Variants in DAPK2 observed in about 807,000 individuals in gnomAD.
DAPK2 encodes death associated protein kinase 2, also known as death-associated protein kinase 2.
Under a neutral mutation model 44.1 loss-of-function variants are expected in DAPK2, and 35 were observed. The observed-to-expected ratio is 0.79, with a 90% confidence interval of 0.61 to 1.05. DAPK2 has a LOEUF of 1.05. Ranked by LOEUF, DAPK2 falls within the 50% of genes least tolerant of loss-of-function variation. The probability of loss-of-function intolerance (pLI) is 0.00; values close to 1 mark genes in which losing one functional copy is unlikely to be tolerated. For synonymous variants in DAPK2, 174 were observed against 182.6 expected, an observed-to-expected ratio of 0.95 and a Z score of 0.38; for missense variants, 453 against 483.2, an observed-to-expected ratio of 0.94 and a Z score of 0.59.
chr15:64,019,090 A>G (rs1470427879), intron 1 of DAPK2, among the ~76,000 whole-genome samples: 1 of 152,060 alleles, frequency 6.6e-6, no homozygotes, highest in Non-Finnish European at 1.5e-5. Flanking sequence ...TCTCACCCCC[A>G]TCCCCACCCC....
In DAPK2 at chr15:63,916,479, C is replaced by T. The variant is rs73450775; in HGVS notation, c.859-4282G>A. ...CTGCCCAGGACCCCTCCCCGCTGCC[C>T]TTCCCTCAATGGAGTTTTATAGGTG... On this transcript the variant is annotated intron_variant, in intron 8 of 10. Coordinates refer to ENST00000261891, the Ensembl canonical transcript of DAPK2. This position sits in a 1 kb window ranked among gnomAD's most constrained non-coding sequence, Gnocchi z 4.7. The T allele has an allele frequency of 0.054, 8,169 of 152,546 alleles. 477 individuals carry two copies. The highest frequency in any genetic ancestry group is 0.15 in the African/African-American group (6,219 of 41,544). 9.4% of individuals were successfully genotyped at this position (152,546 alleles called of 1,614,324 possible).
In DAPK2 at chr15:63,922,715, C is replaced by T; in HGVS notation, c.858+2101G>A. ...CTTCTGCAAACCTCTTGGGATGCAT[C>T]ACTGACTGGATTCTGGCGATTAGAG... On this transcript the variant is annotated intron_variant, in intron 8 of 10. Transcript: ENST00000261891. The T allele has an allele frequency of 2.0e-6, 3 of 1,501,182 alleles. No homozygotes were observed. The Middle Eastern group carries it at 5.5e-4, about 273-fold the overall frequency. 93.0% of individuals were successfully genotyped at this position (1,501,182 alleles called of 1,614,324 possible).
At chr15:64,002,974 C>CTGTGTGTGTGTGTGTGTG (rs58879927) in intron 1 of DAPK2, among the ~76,000 whole-genome samples, 19 of 51,620 alleles carry the variant, frequency 3.7e-4, no homozygotes, top group South Asian at 9.3e-4. Flanking sequence ...GTCGTGGGAC[C>CTGTGTGTGTGTGTGTGTG]TGTGTGTGTG....
chr15:64,034,040 G>A (rs568003290), intron 1 of DAPK2, among the ~76,000 whole-genome samples: 10 of 152,072 alleles, frequency 6.6e-5, no homozygotes, highest in Non-Finnish European at 1.0e-4. Context: ...CATTCACCTC[G>A]AATAACTTCT....
At chr15:64,016,471 C>T (rs1001098796) in intron 1 of DAPK2, among the ~76,000 whole-genome samples, 24 of 152,146 alleles carry the variant, frequency 1.6e-4, no homozygotes, top group African/African-American at 5.6e-4. Context: ...GGTAAATAAT[C>T]GCTGCCTTGC....
At chr15:64,045,990 T>C (rs958508989) in intron 1 of DAPK2, among the ~76,000 whole-genome samples, 1 of 152,218 alleles carries the variant, frequency 6.6e-6, no homozygotes, top group Non-Finnish European at 1.5e-5. Flanking sequence ...CCAGGGGGCC[T>C]AACTCGATGG....
At chr15:63,973,039 C>T (rs1386446316) in intron 2 of DAPK2, among the ~76,000 whole-genome samples, 1 of 152,178 alleles carries the variant, frequency 6.6e-6, no homozygotes, top group Non-Finnish European at 1.5e-5. Flanking sequence ...GGTGTCCCTC[C>T]CATCACAGAT....
chr15:64,018,897 C>A (rs2079607364), intron 1 of DAPK2, among the ~76,000 whole-genome samples: 1 of 152,162 alleles, frequency 6.6e-6, no homozygotes, highest in African/African-American at 2.4e-5. Context: ...GGTTTGAGTC[C>A]AGGGCCTGCT....
chr15:63,963,132 G>A (rs1567235485), intron 3 of DAPK2, among the ~76,000 whole-genome samples: 1 of 152,202 alleles, frequency 6.6e-6, no homozygotes, highest in Non-Finnish European at 1.5e-5. Context: ...GGCTCTGTGG[G>A]CATGGGACCC....
intron 3 of DAPK2, among the ~76,000 whole-genome samples, chr15:63,963,135 T>C (rs928753686): frequency 6.6e-6 from 1 of 152,236 alleles, no homozygotes; most frequent in African/African-American, 2.4e-5. Context: ...TCTGTGGGCA[T>C]GGGACCCTCT....
At chr15:63,950,854 ACAT>A (rs2077567333) in intron 3 of DAPK2, among the ~76,000 whole-genome samples, 1 of 152,232 alleles carries the variant, frequency 6.6e-6, no homozygotes, top group Non-Finnish European at 1.5e-5. Flanking sequence ...GAGAAAACAG[ACAT>A]GTAAACACAT....
intron 1 of DAPK2, among the ~76,000 whole-genome samples, chr15:63,993,478 G>T (rs1173369549): frequency 6.6e-6 from 1 of 151,800 alleles, no homozygotes; most frequent in Non-Finnish European, 1.5e-5. Flanking sequence ...GGATCTTAAG[G>T]CCTGAGAGAT....
chr15:63,924,692 G>T, intron 8 of DAPK2, 124 bp downstream of exon 9: 1 of 1,048,696 alleles, frequency 9.5e-7, no homozygotes, highest in Non-Finnish European at 1.4e-6. Flanking sequence ...GCTTTCATCT[G>T]TGCCCAGGGT....
chr15:63,933,490 C>T (rs1382975676), intron 4 of DAPK2, among the ~76,000 whole-genome samples: 1 of 152,152 alleles, frequency 6.6e-6, no homozygotes, highest in Non-Finnish European at 1.5e-5. Context: ...TGATCCACGC[C>T]TCTCAGCCTC....
At chr15:63,949,460 C>T (rs1358683832) in intron 3 of DAPK2, among the ~76,000 whole-genome samples, 1 of 152,208 alleles carries the variant, frequency 6.6e-6, no homozygotes, top group Non-Finnish European at 1.5e-5. Context: ...CCTTCCCTTC[C>T]CTTTATCAGA....
chr15:63,923,053 A>G lies in DAPK2; in HGVS notation c.858+1763T>C, dbSNP rs1189479080. 3.3e-6 allele frequency: 5 copies of G among 1,535,684 alleles called. No individual in the cohort carries two copies. Among genetic ancestry groups the G allele is most frequent in the Non-Finnish European group, 4.4e-6 (5 of 1,146,720 alleles). ...ACTCATACCTGAGCTGGGACAGGTCATGCCGGGCGCTCTCATTCTCCTCTC... is the reference window on the plus strand; with the variant it reads ...ACTCATACCTGAGCTGGGACAGGTCGTGCCGGGCGCTCTCATTCTCCTCTC... On this transcript the variant is annotated intron_variant, in intron 8 of 10. Coordinates refer to ENST00000261891, the Ensembl canonical transcript of DAPK2. The surrounding 1 kb of genome is among the most constrained non-coding windows in gnomAD (Gnocchi z 4.2).
chr15:63,912,009 A>G lies in DAPK2; in HGVS notation c.949-18T>C. 1 of 1,612,710 alleles carries G rather than the reference A, an allele frequency of 6.2e-7. No homozygotes were observed. The highest frequency in any genetic ancestry group is 8.5e-7 in the Non-Finnish European group (1 of 1,179,398). ...AAGGAAAGCTGAGGGAGGCAGAGGAAAGGAATCCCCAGGTGAGAATGTGCA... is the reference window on the plus strand; with the variant it reads ...AAGGAAAGCTGAGGGAGGCAGAGGAGAGGAATCCCCAGGTGAGAATGTGCA... On this transcript the variant is annotated intron_variant, in intron 9 of 10. Coordinates refer to ENST00000261891, the Ensembl canonical transcript of DAPK2. This position sits in a 1 kb window ranked among gnomAD's most constrained non-coding sequence, Gnocchi z 4.4.
rs2078964254 is a variant in DAPK2, at chr15:63,917,683, T to G, written c.859-5486A>C. On this transcript the variant is annotated intron_variant, in intron 8 of 10. Coordinates refer to ENST00000261891, the Ensembl canonical transcript of DAPK2. This position sits in a 1 kb window ranked among gnomAD's most constrained non-coding sequence, Gnocchi z 4.4. ...TTAATCTCCATTCAACTGTTCCAAG[T>G]TCCTAACCCCAATCTTGGCTCAGCC... is the stretch of plus-strand genomic sequence containing the variant. 1 of 152,220 alleles carries G rather than the reference T, an allele frequency of 6.6e-6. No homozygotes were observed. The highest frequency in any genetic ancestry group is 1.5e-5 in the Non-Finnish European group (1 of 68,042). The allele number at this position is 152,220 out of a possible 1,614,324, so 9.4% of individuals were successfully genotyped here. A position where few individuals can be genotyped will look rare whatever the true frequency, so the allele number is the denominator to read the frequency against.
chr15:64,038,559 A>C, intron 1 of DAPK2, among the ~76,000 whole-genome samples: 1 of 151,880 alleles, frequency 6.6e-6, no homozygotes, highest in East Asian at 1.9e-4. Flanking sequence ...CTCTGCAGTT[A>C]TTTGCTCCCC....
Sources: gnomAD v4.1 joint callset for allele counts (sites outside exome capture counted in the v4.1 genomes callset) on GRCh38, gnomAD v4.1.1 for gene constraint, Gnocchi (gnomAD v3.1) non-coding constraint, MANE v1.5 for transcripts, NCBI Gene and HGNC (gene_info 2026-07-23, HGNC 2026-07-21) for gene names.